Variants in KCTD8 observed in about 807,000 individuals in gnomAD.
KCTD8 encodes the protein potassium channel tetramerization domain containing 8.
KCTD8 carries 27 observed loss-of-function variants against 31.5 expected under a neutral mutation model. The ratio of observed to expected loss-of-function variants is 0.86; its 90% CI spans 0.63 to 1.18. KCTD8 has a LOEUF of 1.18. Ranked by LOEUF, KCTD8 falls within the 50% of genes most tolerant of loss-of-function variation. The probability of loss-of-function intolerance (pLI) is 0.00; values close to 1 mark genes in which losing one functional copy is unlikely to be tolerated. For synonymous variants in KCTD8, 290 were observed against 280.0 expected, an observed-to-expected ratio of 1.04 and a Z score of -0.36; for missense variants, 658 against 647.7, an observed-to-expected ratio of 1.02 and a Z score of -0.17.
intron 1 of KCTD8, among the ~76,000 whole-genome samples, chr4:44,406,438 T>C (rs756004921): frequency 4.6e-5 from 7 of 152,168 alleles, no homozygotes; most frequent in Non-Finnish European, 1.0e-4. Context: ...CTCCATACTG[T>C]TCTCATGGTA....
At chr4:44,254,939 C>T (rs982922611) in intron 1 of KCTD8, among the ~76,000 whole-genome samples, 1 of 151,796 alleles carries the variant, frequency 6.6e-6, no homozygotes, top group Non-Finnish European at 1.5e-5. Flanking sequence ...GAGGGAAATT[C>T]ACTCTCTCCC....
chr4:44,327,933 A>G (rs1269552145), intron 1 of KCTD8, among the ~76,000 whole-genome samples: 1 of 151,944 alleles, frequency 6.6e-6, no homozygotes, highest in Non-Finnish European at 1.5e-5. Context: ...TAACTTTAAG[A>G]AAGTCTTAAA....
intron 1 of KCTD8, among the ~76,000 whole-genome samples, chr4:44,315,601 AT>A (rs1718083791): frequency 6.6e-6 from 1 of 152,000 alleles, no homozygotes; most frequent in Admixed American, 6.6e-5. Context: ...GTATCTTTTT[AT>A]TTTCTGGAAA....
chr4:44,194,684 T>TA (rs1362148503), intron 1 of KCTD8, among the ~76,000 whole-genome samples: 1 of 151,962 alleles, frequency 6.6e-6, no homozygotes, highest in Non-Finnish European at 1.5e-5. Context: ...TTGTTCACTT[T>TA]ATAAAAATTA....
intron 1 of KCTD8, among the ~76,000 whole-genome samples, chr4:44,194,708 T>G (rs554183092): frequency 6.6e-6 from 1 of 151,664 alleles, no homozygotes; most frequent in East Asian, 2.0e-4. Context: ...AAAATAATTA[T>G]GTGCTACTTG....
intron 1 of KCTD8, among the ~76,000 whole-genome samples, chr4:44,304,574 C>T (rs769062587): frequency 3.9e-5 from 6 of 152,154 alleles, no homozygotes; most frequent in Admixed American, 6.5e-5. Context: ...GCCATTGATA[C>T]GTTTTTGTTG....
chr4:44,369,736 T>C (rs994358472), intron 1 of KCTD8, among the ~76,000 whole-genome samples: 7 of 151,960 alleles, frequency 4.6e-5, no homozygotes, highest in Non-Finnish European at 8.8e-5. Flanking sequence ...GGGTTGTGGC[T>C]GCAGTGAGCC....
intron 1 of KCTD8, among the ~76,000 whole-genome samples, chr4:44,333,066 C>T (rs1718631868): frequency 6.6e-6 from 1 of 152,082 alleles, no homozygotes; most frequent in Non-Finnish European, 1.5e-5. Context: ...ATTGTAGAGT[C>T]TGTCATTCTT....
chr4:44,339,405 T>A (rs1000112650), intron 1 of KCTD8, among the ~76,000 whole-genome samples: 1 of 152,038 alleles, frequency 6.6e-6, no homozygotes. Flanking sequence ...TCAGAAAATT[T>A]AGGGTTAATA....
At chr4:44,391,708 A>G (rs1720379827) in intron 1 of KCTD8, among the ~76,000 whole-genome samples, 1 of 151,820 alleles carries the variant, frequency 6.6e-6, no homozygotes, top group Non-Finnish European at 1.5e-5. Context: ...GGGGAGTCAA[A>G]AAGTTGGGTC....
Position 44,399,574 on chromosome 4 carries a change from G to T in KCTD8, c.961+47989C>A, listed in dbSNP as rs73177418. The stretch of plus-strand genomic sequence containing the variant: ...GGCCCTTTATAAAGGATTAGAAAAA[G>T]CTAGGACAGTTCCCAAATCCTGTTG... On this transcript the variant is annotated intron_variant, in intron 1 of 1. Coordinates refer to ENST00000360029, the MANE Select transcript of KCTD8 (RefSeq NM_198353.3). Among the ~76,000 whole-genome samples the T allele has an allele frequency of 8.6e-3, 1,313 of 152,292 alleles. 21 individuals are homozygous for T. Among genetic ancestry groups the T allele is most frequent in the African/African-American group, 0.03 (1,264 of 41,556 alleles).
At chr4:44,188,022 A>C (rs1713642189) in intron 1 of KCTD8, among the ~76,000 whole-genome samples, 1 of 151,944 alleles carries the variant, frequency 6.6e-6, no homozygotes, top group Non-Finnish European at 1.5e-5. Flanking sequence ...CAAAAAAAAA[A>C]CAGTCTAACA....
At chr4:44,321,672 ACT>A (rs916466892) in intron 1 of KCTD8, among the ~76,000 whole-genome samples, 9 of 152,110 alleles carry the variant, frequency 5.9e-5, no homozygotes, top group Non-Finnish European at 1.2e-4. Flanking sequence ...TAATTCCCCT[ACT>A]GTACTATTGA....
chr4:44,257,804 T>C (rs1251075076), intron 1 of KCTD8, among the ~76,000 whole-genome samples: 3 of 152,006 alleles, frequency 2.0e-5, no homozygotes, highest in Non-Finnish European at 4.4e-5. Context: ...GGCCCCTGCC[T>C]TTCCTCTTTA....
intron 1 of KCTD8, among the ~76,000 whole-genome samples, chr4:44,376,636 C>A (rs1269681505): frequency 1.3e-5 from 2 of 152,110 alleles, no homozygotes; most frequent in Non-Finnish European, 1.5e-5. Context: ...ATGTGCCAGG[C>A]AATGGGAATA....
intron 1 of KCTD8, among the ~76,000 whole-genome samples, chr4:44,432,591 T>C (rs1188940111): frequency 1.3e-5 from 2 of 151,536 alleles, no homozygotes; most frequent in South Asian, 2.1e-4. Context: ...TCTTTACCCA[T>C]CCTGGAAGAA....
At chr4:44,308,856 A>G (rs1482915751) in intron 1 of KCTD8, among the ~76,000 whole-genome samples, 1 of 151,966 alleles carries the variant, frequency 6.6e-6, no homozygotes, top group African/African-American at 2.4e-5. Flanking sequence ...GTATAGTTAT[A>G]AATTATAAAC....
chr4:44,235,846 C>T (rs1458023470), intron 1 of KCTD8, among the ~76,000 whole-genome samples: 3 of 151,858 alleles, frequency 2.0e-5, no homozygotes, highest in Non-Finnish European at 2.9e-5. Context: ...GCACAGCTTT[C>T]ACCTTGATTA....
At chr4:44,372,707 A>G (rs1719822506) in intron 1 of KCTD8, among the ~76,000 whole-genome samples, 1 of 152,202 alleles carries the variant, frequency 6.6e-6, no homozygotes, top group Non-Finnish European at 1.5e-5. Flanking sequence ...AAGGTCTTAA[A>G]GCTGATAATA....
Sources: allele counts gnomAD v4.1 joint callset (sites outside exome capture counted in the v4.1 genomes callset), GRCh38; gene constraint gnomAD v4.1.1; transcripts MANE v1.5; gene names NCBI Gene and HGNC (gene_info 2026-07-23, HGNC 2026-07-21).